YRDC: variants seen among roughly 807,000 people sequenced by gnomAD.
YRDC encodes the protein yrdC N6-threonylcarbamoyltransferase domain containing.
YRDC carries 17 observed loss-of-function variants against 21.5 expected under a neutral mutation model. The ratio of observed to expected loss-of-function variants is 0.79; its 90% CI spans 0.54 to 1.19. The LOEUF is 1.19. YRDC is among the 50% of genes most tolerant of loss of function. The probability of loss-of-function intolerance (pLI) is 0.00; values close to 1 mark genes in which losing one functional copy is unlikely to be tolerated. For synonymous variants in YRDC, 193 were observed against 176.7 expected (o/e 1.09, Z -0.73); for missense variants, 380 against 397.1 (o/e 0.96, Z 0.37).
chr1:37,806,845 G>A lies in YRDC; in HGVS notation c.624+12C>T. On this transcript the variant is annotated intron_variant, in intron 3 of 4. Coordinates refer to ENST00000373044, the MANE Select transcript of YRDC (RefSeq NM_024640.4). Reference sequence around the variant, plus strand: ...TGGTGACATTTCCAGGGGAAGGACTGGGTAAACTCACCTCGACATTCAGAG... The same window carrying A: ...TGGTGACATTTCCAGGGGAAGGACTAGGTAAACTCACCTCGACATTCAGAG... 6.2e-7 allele frequency: 1 copy of A among 1,614,088 alleles called. No homozygotes were observed. Among genetic ancestry groups the A allele is most frequent in the Non-Finnish European group, 8.5e-7 (1 of 1,179,994 alleles).
chr1:37,805,320 G>C (rs1646727567), intron 3 of YRDC, among the ~76,000 whole-genome samples: 1 of 152,166 alleles, frequency 6.6e-6, no homozygotes, highest in Admixed American at 6.5e-5. Context: ...GCGTAACCTG[G>C]AACAAGTGAT....
intron 1 of YRDC, 123 bp from the exon 2 acceptor site, chr1:37,807,338 T>C: frequency 2.2e-6 from 2 of 900,376 alleles, no homozygotes; most frequent in Non-Finnish European, 3.4e-6. Context: ...CCTGTCTCCC[T>C]GCTTCACCTC....
intron 4 of YRDC, 71 bp downstream of exon 4, chr1:37,804,231 T>C (rs987494772): frequency 6.4e-6 from 10 of 1,565,588 alleles, no homozygotes; most frequent in African/African-American, 2.7e-5. Flanking sequence ...CATCTTTATC[T>C]TGTCAAAGCT....
chr1:37,806,795 G>C, intron 3 of YRDC, 62 bp downstream of exon 3: 1 of 1,609,666 alleles, frequency 6.2e-7, no homozygotes, highest in East Asian at 2.2e-5. Flanking sequence ...CAATGCCACT[G>C]ATTCACAGAA....
At position 37,807,842 on chromosome 1, in the gene YRDC, G is replaced by A. The variant is rs1249175617; in HGVS notation, c.339C>T (p.Ser113=). ...GGCATACGGCCAGAGGCTTGGCCTC[G>A]CTGCGACCCTTGAGGCGGTACACAG... is the stretch of plus-strand genomic sequence containing the variant. The part of the protein sequence containing the change: ...LRAVYRLKGR[S]EAKPLAVCLG... The change falls in exon 1 of 5, where the codon AGC becomes AGT. Residue 113 remains serine, a synonymous_variant. Transcript: ENST00000373044. The A allele has an allele frequency of 1.3e-6, 2 of 1,507,756 alleles. No homozygotes were observed. The highest frequency in any genetic ancestry group is 2.7e-5 in the East Asian group (1 of 37,662). The allele number at this position is 1,507,756 out of a possible 1,614,324, so 93.4% of individuals were successfully genotyped here.
At chr1:37,806,223 CAG>C (rs1646734731) in intron 3 of YRDC, among the ~76,000 whole-genome samples, 1 of 149,248 alleles carries the variant, frequency 6.7e-6, no homozygotes, top group Non-Finnish European at 1.5e-5. Context: ...TTTTAAGAGA[CAG>C]AGTCTCGCTC....
intron 1 of YRDC, 60 bp downstream of exon 1, chr1:37,807,732 G>C: frequency 7.1e-7 from 1 of 1,413,686 alleles, no homozygotes; most frequent in South Asian, 1.4e-5. Flanking sequence ...TCCCAAGCCT[G>C]TCACCGGAAA....
intron 3 of YRDC, among the ~76,000 whole-genome samples, chr1:37,806,219 G>A (rs1026612945): frequency 2.1e-4 from 31 of 144,870 alleles, no homozygotes; most frequent in African/African-American, 7.8e-4. Flanking sequence ...TTTTTTTTAA[G>A]AGACAGAGTC....
Position 37,803,325 on chromosome 1 carries a change from C to A in YRDC, c.*600G>T, listed in dbSNP as rs1483174503. On this transcript the variant is annotated 3_prime_UTR_variant, in exon 5 of 5. Transcript: ENST00000373044. ...TGGCCTGTGGCTCTTCAATCTTTAT[C>A]CAAACCTGGTTCTAGCTTCAGGAGC... 6.5e-6 allele frequency: 1 copy of A among 152,786 alleles called. No individual in the cohort carries two copies. The highest frequency in any genetic ancestry group is 2.4e-5 in the African/African-American group (1 of 41,454). The allele number at this position is 152,786 out of a possible 1,614,324, so 9.5% of individuals were successfully genotyped here.
chr1:37,806,163 G>C (rs896916561), intron 3 of YRDC, among the ~76,000 whole-genome samples: 1 of 151,756 alleles, frequency 6.6e-6, no homozygotes, highest in Admixed American at 6.6e-5. Context: ...TGTGTGACCT[G>C]GAACAAGTGA....
At chr1:37,806,769 C>G in intron 3 of YRDC, 88 bp downstream of exon 3, 1 of 1,579,098 alleles carries the variant, frequency 6.3e-7, no homozygotes, top group Non-Finnish European at 8.6e-7. Flanking sequence ...CATGCCTGGC[C>G]ATCCCAGTGT....
chr1:37,804,163 T>C, intron 4 of YRDC, 139 bp downstream of exon 4: 1 of 1,452,800 alleles, frequency 6.9e-7, no homozygotes, highest in South Asian at 1.3e-5. Context: ...TTAGTCCCAC[T>C]GCAACTACCA....
Position 37,803,788 on chromosome 1 carries a change from C to G in YRDC, c.*137G>C. The G allele has an allele frequency of 1.1e-6, 1 of 886,844 alleles. No homozygotes were observed. The highest frequency in any genetic ancestry group is 1.8e-6 in the Non-Finnish European group (1 of 569,954). 54.9% of individuals were successfully genotyped at this position (886,844 alleles called of 1,614,324 possible). On this transcript the variant is annotated 3_prime_UTR_variant, in exon 5 of 5. Coordinates refer to ENST00000373044, the MANE Select transcript of YRDC (RefSeq NM_024640.4). Reference sequence around the variant, plus strand: ...CTCCAAGGGCTTGGTCTACAGTGCTCAGAAAGACACACTGCCTTAAAAGTC... The same window carrying G: ...CTCCAAGGGCTTGGTCTACAGTGCTGAGAAAGACACACTGCCTTAAAAGTC...
chr1:37,807,105 G>A lies in YRDC; in HGVS notation c.500C>T (p.Thr167Met), dbSNP rs549342179. ...EELNKDLNPFTPLVGIRIPDH... is the reference protein window; with the variant it reads ...EELNKDLNPFMPLVGIRIPDH... ...ACAAGAGAAAACTTGACTCACAGGCGTAAAAGGGTTTAGGTCCTTGTTGAG... is the reference window on the plus strand; with the variant it reads ...ACAAGAGAAAACTTGACTCACAGGCATAAAAGGGTTTAGGTCCTTGTTGAG... The change falls in exon 2 of 5, where the codon ACG becomes ATG. Residue 167 changes from threonine to methionine, a missense_variant. By Grantham distance (81) the Thr-to-Met change is moderately conservative (BLOSUM62 -1). Coordinates refer to ENST00000373044, the MANE Select transcript of YRDC (RefSeq NM_024640.4). 22 of 1,614,176 alleles carry A rather than the reference G, an allele frequency of 1.4e-5. No homozygotes were observed. Among genetic ancestry groups the A allele is most frequent in the South Asian group, 7.7e-5 (7 of 91,084 alleles).
At chr1:37,805,271 C>CAA (rs200159023) in intron 3 of YRDC, among the ~76,000 whole-genome samples, 1 of 151,108 alleles carries the variant, frequency 6.6e-6, no homozygotes, top group Non-Finnish European at 1.5e-5. Context: ...CAAAACAAAA[C>CAA]AAAAAAAAAC....
chr1:37,804,496 A>G (rs770915785), intron 3 of YRDC, 52 bp from the exon 4 acceptor site: 2 of 1,569,030 alleles, frequency 1.3e-6, no homozygotes, highest in Non-Finnish European at 1.7e-6. Context: ...TGTATCCAAT[A>G]ATGTCAAACT....
chr1:37,805,358 G>A (rs1569823702), intron 3 of YRDC, among the ~76,000 whole-genome samples: 1 of 152,292 alleles, frequency 6.6e-6, no homozygotes, highest in Middle Eastern at 3.4e-3. Flanking sequence ...CTAGAACTAT[G>A]CTCCTGGATC....
At position 37,803,969 on chromosome 1, in the gene YRDC, G is replaced by A; in HGVS notation, c.796C>T (p.Gln266Ter). Residue 266 changes from glutamine to a stop codon, truncating the protein, a stop_gained, in exon 5 of 5, where the codon CAA (glutamine) becomes TAA (stop). Transcript: ENST00000373044. LOFTEE classifies it high-confidence loss of function. ...CALESTTAIL[Q>*]QKYGLLPSHA... ...GAGGGGAGCAGTCCGTACTTCTGTT[G>A]GAGGATGGCTGTAGTACTTTCCAGG... The A allele has an allele frequency of 1.9e-6, 3 of 1,614,168 alleles. No homozygotes were observed. The highest frequency in any genetic ancestry group is 2.5e-6 in the Non-Finnish European group (3 of 1,180,024).
At position 37,808,002 on chromosome 1, in the gene YRDC, C is replaced by G. The variant is rs1298488627; in HGVS notation, c.179G>C (p.Ser60Thr). The G allele has an allele frequency of 1.3e-5, 16 of 1,208,520 alleles. No individual in the cohort carries two copies. The highest frequency in any genetic ancestry group is 1.6e-5 in the African/African-American group (1 of 63,050). The allele number at this position is 1,208,520 out of a possible 1,614,324, so 74.9% of individuals were successfully genotyped here. A position where few individuals can be genotyped will look rare whatever the true frequency, so the allele number is the denominator to read the frequency against. ...CTCGGTCCAGCCGGCGCGCTCCGGG[C>G]TCGCGGCCTGCACGGCCCCGCTCCC... ...LPGSGAVQAA[S>T]PERAGWTEAL... The change falls in exon 1 of 5, where the codon AGC becomes ACC. Residue 60 changes from serine to threonine, a missense_variant. Ser to Thr is a moderately conservative substitution (Grantham distance 58). Coordinates refer to ENST00000373044, the MANE Select transcript of YRDC (RefSeq NM_024640.4).
Sources: allele counts gnomAD v4.1 joint callset (sites outside exome capture counted in the v4.1 genomes callset), GRCh38; gene constraint gnomAD v4.1.1; transcripts MANE v1.5; gene names NCBI Gene and HGNC (gene_info 2026-07-23, HGNC 2026-07-21).